TAF3: variants seen among roughly 807,000 people sequenced by gnomAD.
TAF3 encodes TATA-box binding protein associated factor 3, also known as transcription initiation factor TFIID subunit 3.
TAF3 carries 7 observed loss-of-function variants against 80.6 expected under a neutral mutation model. The observed-to-expected ratio is 0.09, with a 90% CI of 0.05 to 0.16. The LOEUF (loss-of-function observed/expected upper bound fraction) is 0.16. Among genes scored for constraint, TAF3 ranks in the 10% least tolerant of loss-of-function variants. The probability of loss-of-function intolerance (pLI) is 1.00; values close to 1 mark genes in which losing one functional copy is unlikely to be tolerated. For synonymous variants in TAF3, 444 were observed against 446.1 expected (o/e 1.00, Z 0.06); for missense variants, 921 against 1,140.2 (o/e 0.81, Z 2.77).
intron 2 of TAF3, among the ~76,000 whole-genome samples, chr10:7,838,485 G>A (rs775550350): frequency 2.0e-5 from 3 of 152,028 alleles, no homozygotes; most frequent in Non-Finnish European, 4.4e-5. Flanking sequence ...GGGTTTGAGC[G>A]ATTCTCCTGC....
At chr10:7,897,259 G>A (rs1350834125) in intron 2 of TAF3, among the ~76,000 whole-genome samples, 1 of 152,166 alleles carries the variant, frequency 6.6e-6, no homozygotes, top group African/African-American at 2.4e-5. Flanking sequence ...AAGCCAGGTC[G>A]CCGGGGGGTC....
At chr10:7,830,035 C>T (rs1336250986) in intron 2 of TAF3, among the ~76,000 whole-genome samples, 1 of 152,054 alleles carries the variant, frequency 6.6e-6, no homozygotes, top group Non-Finnish European at 1.5e-5. Context: ...TCTTCACTTC[C>T]CTTCCTCCCC....
chr10:7,897,864 G>T (rs1262429398), intron 2 of TAF3, among the ~76,000 whole-genome samples: 1 of 151,726 alleles, frequency 6.6e-6, no homozygotes, highest in Non-Finnish European at 1.5e-5. Flanking sequence ...TCTCACTTTG[G>T]TGCCCAGGCT....
chr10:7,842,072 A>G (rs1005117004), intron 2 of TAF3, among the ~76,000 whole-genome samples: 1 of 150,086 alleles, frequency 6.7e-6, no homozygotes, highest in Non-Finnish European at 1.5e-5. Context: ...AGGCCCTCCT[A>G]TCGTTCATTG....
intron 4 of TAF3, among the ~76,000 whole-genome samples, chr10:8,001,036 CCTATT>C (rs1281090227): frequency 1.1e-4 from 17 of 152,180 alleles, no homozygotes; most frequent in African/African-American, 3.6e-4. Context: ...TAACCGATCT[CCTATT>C]CTAGGGTATT....
At chr10:7,938,373 G>A (rs1473914062) in intron 2 of TAF3, among the ~76,000 whole-genome samples, 1 of 152,138 alleles carries the variant, frequency 6.6e-6, no homozygotes, top group East Asian at 1.9e-4. Context: ...TAGTTCAGGG[G>A]CAATGTGATG....
intron 3 of TAF3, among the ~76,000 whole-genome samples, chr10:7,970,549 A>T (rs1006514455): frequency 6.6e-6 from 1 of 152,224 alleles, no homozygotes; most frequent in Non-Finnish European, 1.5e-5. Context: ...CCTAAGTGAC[A>T]AATGCAAATG....
intron 6 of TAF3, among the ~76,000 whole-genome samples, chr10:8,014,333 G>T (rs1038978714): frequency 1.3e-5 from 2 of 152,188 alleles, no homozygotes; most frequent in African/African-American, 2.4e-5. Context: ...AAAAAAGATA[G>T]CAACCTGTTC....
intron 2 of TAF3, among the ~76,000 whole-genome samples, chr10:7,927,846 T>C (rs1837829886): frequency 6.6e-6 from 1 of 152,236 alleles, no homozygotes; most frequent in Admixed American, 6.5e-5. Flanking sequence ...AGGCACTGTT[T>C]CCTTTTCTTC....
Position 7,962,208 on chromosome 10 carries a change from T to C in TAF3, c.410-1712T>C, listed in dbSNP as rs536092724. Among the ~76,000 whole-genome samples the C allele has an allele frequency of 4.3e-4, 66 of 152,302 alleles. 1 individual carries two copies. The highest frequency in any genetic ancestry group is 4.3e-3 in the Admixed American group (66 of 15,298). On this transcript the variant is annotated intron_variant, in intron 2 of 6. Transcript: ENST00000344293. ...TTGCTCAAGTCTTATACCCTAATCATTTATCAGATTCTATCCATTCTATCC... is the reference window on the plus strand; with the variant it reads ...TTGCTCAAGTCTTATACCCTAATCACTTATCAGATTCTATCCATTCTATCC...
At chr10:7,876,619 C>T (rs1164054529) in intron 2 of TAF3, among the ~76,000 whole-genome samples, 3 of 152,092 alleles carry the variant, frequency 2.0e-5, no homozygotes, top group African/African-American at 7.2e-5. Flanking sequence ...TACAGAATCA[C>T]GGGGGTCAGT....
At chr10:7,989,329 C>T (rs1400955575) in intron 4 of TAF3, among the ~76,000 whole-genome samples, 1 of 152,174 alleles carries the variant, frequency 6.6e-6, no homozygotes, top group Non-Finnish European at 1.5e-5. Flanking sequence ...AGGGGCAAGG[C>T]AAATGGGTGC....
At chr10:7,991,246 ATG>A (rs1484956957) in intron 4 of TAF3, among the ~76,000 whole-genome samples, 2 of 151,934 alleles carry the variant, frequency 1.3e-5, no homozygotes, top group Non-Finnish European at 2.9e-5. Context: ...ATAAGTGTGT[ATG>A]TGTGTGTGTG....
intron 2 of TAF3, among the ~76,000 whole-genome samples, chr10:7,918,753 C>CTGGGAACATT (rs1322569376): frequency 6.6e-6 from 1 of 152,090 alleles, no homozygotes; most frequent in Non-Finnish European, 1.5e-5. Flanking sequence ...TATCTGTTAC[C>CTGGGAACATT]TGGGAACATT....
At chr10:7,991,461 T>C (rs549379071) in intron 4 of TAF3, among the ~76,000 whole-genome samples, 13 of 152,296 alleles carry the variant, frequency 8.5e-5, no homozygotes, top group East Asian at 3.9e-4. Flanking sequence ...TTGTTTTTTT[T>C]CCCAAACAAA....
At chr10:7,867,849 A>T (rs773576088) in intron 2 of TAF3, among the ~76,000 whole-genome samples, 2 of 152,340 alleles carry the variant, frequency 1.3e-5, no homozygotes, top group South Asian at 2.1e-4. Flanking sequence ...CTAATAGCTT[A>T]CTGTTGACTG....
intron 2 of TAF3, among the ~76,000 whole-genome samples, chr10:7,958,862 C>T (rs924984141): frequency 6.6e-6 from 1 of 152,138 alleles, no homozygotes; most frequent in Non-Finnish European, 1.5e-5. Context: ...TGGCCGGGCA[C>T]GGTGGCTCAC....
intron 1 of TAF3, among the ~76,000 whole-genome samples, chr10:7,820,903 C>T (rs1042158741): frequency 6.6e-6 from 1 of 152,202 alleles, no homozygotes; most frequent in Non-Finnish European, 1.5e-5. Context: ...TTTCCTCTGG[C>T]CTCCGCTGCA....
intron 4 of TAF3, among the ~76,000 whole-genome samples, chr10:7,988,103 A>G (rs1315333187): frequency 5.3e-5 from 8 of 152,184 alleles, no homozygotes; most frequent in Admixed American, 3.9e-4. Context: ...TAATGTTTAT[A>G]AGTAACCAAT....
Sources: allele counts gnomAD v4.1 joint callset (sites outside exome capture counted in the v4.1 genomes callset), GRCh38; gene constraint gnomAD v4.1.1; transcripts MANE v1.5; gene names NCBI Gene and HGNC (gene_info 2026-07-23, HGNC 2026-07-21).